The following WWOX variants were observed in gnomAD, a reference collection of about 807,000 sequenced individuals.
The protein encoded by WWOX is WW domain containing oxidoreductase, also known as WW domain-containing oxidoreductase.
A neutral mutation model predicts 46.2 loss-of-function variants in WWOX; 69 were observed. The ratio of observed to expected loss-of-function variants is 1.49; its 90% CI spans 1.23 to 1.82. The LOEUF (loss-of-function observed/expected upper bound fraction) is 1.82. Among genes scored for constraint, WWOX ranks in the 40% most tolerant of loss-of-function variants. The pLI, the probability that WWOX is intolerant of heterozygous loss-of-function variation, is 0.00. For missense variants in WWOX, 919 were observed against 542.6 expected, an observed-to-expected ratio of 1.69 and a Z score of -6.89; for synonymous variants, 359 against 202.6, an observed-to-expected ratio of 1.77 and a Z score of -6.56.
chr16:78,339,641 T>C lies in WWOX; in HGVS notation c.517-47219T>C, dbSNP rs2080969521. 1.7e-5 allele frequency among the ~76,000 whole-genome samples: 2 copies of C among 120,212 alleles called. 1 individual carries two copies. The highest frequency in any genetic ancestry group is 4.0e-5 in the Non-Finnish European group (2 of 50,524). 78.9% of individuals were successfully genotyped at this position (120,212 alleles called of 152,430 possible). On this transcript the variant is annotated intron_variant, in intron 5 of 8. Transcript: ENST00000566780. ...ATATGTGTGTGTGTCTGTGTGTGTG[T>C]ATTTCAGGTTTCAAAATGTTTCTGT...
chr16:78,831,267 G>C (rs377442011), intron 8 of WWOX, among the ~76,000 whole-genome samples: 1 of 152,172 alleles, frequency 6.6e-6, no homozygotes, highest in Non-Finnish European at 1.5e-5. Flanking sequence ...GTCTTAGCTA[G>C]TGCTTTCAGC....
chr16:78,656,935 C>A (rs1313087202), intron 8 of WWOX, among the ~76,000 whole-genome samples: 1 of 152,196 alleles, frequency 6.6e-6, no homozygotes, highest in African/African-American at 2.4e-5. Context: ...CTGCTCTGAC[C>A]ATCATGGCGT....
intron 8 of WWOX, among the ~76,000 whole-genome samples, chr16:78,823,744 T>C (rs987502510): frequency 7.2e-5 from 11 of 151,806 alleles, no homozygotes; most frequent in African/African-American, 2.7e-4. Flanking sequence ...TCTAAGGGGA[T>C]GGAAGGATTG....
intron 5 of WWOX, among the ~76,000 whole-genome samples, chr16:78,165,609 G>A (rs1490300138): frequency 1.3e-5 from 2 of 152,148 alleles, no homozygotes; most frequent in African/African-American, 2.4e-5. Context: ...CAGCGTGTTT[G>A]GGAGCAGAGC....
At chr16:78,605,947 G>T (rs977606133) in intron 8 of WWOX, among the ~76,000 whole-genome samples, 5 of 152,200 alleles carry the variant, frequency 3.3e-5, no homozygotes, top group Non-Finnish European at 5.9e-5. Flanking sequence ...ATTTGTAATA[G>T]ACTCAGCATC....
At chr16:78,537,316 C>T (rs757387952) in intron 8 of WWOX, among the ~76,000 whole-genome samples, 1 of 152,036 alleles carries the variant, frequency 6.6e-6, no homozygotes, top group Non-Finnish European at 1.5e-5. Flanking sequence ...TGAAATAACC[C>T]AATGATACAT....
chr16:78,952,530 G>C (rs561351843), intron 8 of WWOX, among the ~76,000 whole-genome samples: 1 of 152,002 alleles, frequency 6.6e-6, no homozygotes, highest in South Asian at 2.1e-4. Flanking sequence ...TTACAGGCAT[G>C]TACCAGCACA....
At chr16:78,480,590 C>T (rs932839063) in intron 8 of WWOX, among the ~76,000 whole-genome samples, 5 of 152,144 alleles carry the variant, frequency 3.3e-5, no homozygotes, top group Non-Finnish European at 5.9e-5. Context: ...TTCAGGGTCC[C>T]GTACTTTTCA....
Position 78,742,821 on chromosome 16 carries a change from A to T in WWOX, c.1056+310069A>T, listed in dbSNP as rs186391458. On this transcript the variant is annotated intron_variant, in intron 8 of 8. Transcript: ENST00000566780. ...GAAACTTTGCGGGAATTCACTTGAA[A>T]TTGTCCAGTGAACAGCCATTGCGAG... 2.6e-5 allele frequency among the ~76,000 whole-genome samples: 4 copies of T among 152,130 alleles called. No homozygotes were observed. The South Asian group carries it at 8.3e-4, about 32-fold the overall frequency.
intron 8 of WWOX, among the ~76,000 whole-genome samples, chr16:78,924,688 G>T (rs1293770064): frequency 1.3e-5 from 2 of 152,190 alleles, no homozygotes; most frequent in Non-Finnish European, 2.9e-5. Context: ...GCTTCTGTGT[G>T]GGAGAGTAAC....
intron 8 of WWOX, among the ~76,000 whole-genome samples, chr16:78,440,679 C>T (rs181480864): frequency 3.4e-4 from 52 of 151,402 alleles, no homozygotes; most frequent in Non-Finnish European, 4.3e-4. Context: ...TGTAGTGGCA[C>T]AATCCCGGCT....
chr16:78,451,669 C>G (rs551708453), intron 8 of WWOX, among the ~76,000 whole-genome samples: 2 of 152,284 alleles, frequency 1.3e-5, no homozygotes, highest in Admixed American at 6.5e-5. Context: ...ACAGCTGAAA[C>G]CTTTGGTGTA....
intron 8 of WWOX, among the ~76,000 whole-genome samples, chr16:78,666,675 G>A (rs74032706): frequency 2.0e-5 from 3 of 152,212 alleles, no homozygotes; most frequent in African/African-American, 7.2e-5. Context: ...AAGGGCCATC[G>A]TGCAGTAAAG....
intron 8 of WWOX, among the ~76,000 whole-genome samples, chr16:78,858,158 G>GTGTGTC (rs2052612234): frequency 6.6e-6 from 1 of 151,754 alleles, no homozygotes; most frequent in Admixed American, 6.6e-5. Flanking sequence ...GTGTGTGTGT[G>GTGTGTC]TGTGTGTGTG....
At chr16:78,611,182 C>T (rs1193742769) in intron 8 of WWOX, among the ~76,000 whole-genome samples, 1 of 152,116 alleles carries the variant, frequency 6.6e-6, no homozygotes, top group Non-Finnish European at 1.5e-5. Context: ...TGAAATTTTG[C>T]CCTTGGACAA....
chr16:78,410,699 G>GT (rs111726228), intron 6 of WWOX, among the ~76,000 whole-genome samples: 3,669 of 151,626 alleles, frequency 0.024, 114 homozygotes, highest in East Asian at 0.14. Flanking sequence ...CCAGTTAGTT[G>GT]GGGGGCTAAG....
At chr16:78,857,392 A>G (rs1363408229) in intron 8 of WWOX, among the ~76,000 whole-genome samples, 1 of 152,236 alleles carries the variant, frequency 6.6e-6, no homozygotes, top group Non-Finnish European at 1.5e-5. Flanking sequence ...ATAAAAAGGT[A>G]TAAAAAAGAA....
At chr16:78,316,150 C>G (rs2080352332) in intron 5 of WWOX, among the ~76,000 whole-genome samples, 1 of 151,990 alleles carries the variant, frequency 6.6e-6, no homozygotes, top group African/African-American at 2.4e-5. Context: ...GAGGCTGGGT[C>G]AGGAGAATCG....
At chr16:78,667,801 A>G (rs376644316) in intron 8 of WWOX, among the ~76,000 whole-genome samples, 109 of 152,112 alleles carry the variant, frequency 7.2e-4, no homozygotes, top group African/African-American at 2.3e-3. Flanking sequence ...TTTCTCTCGC[A>G]TCAGCTTGCA....
Sources: allele counts gnomAD v4.1 joint callset (sites outside exome capture counted in the v4.1 genomes callset), GRCh38; gene constraint gnomAD v4.1.1; transcripts MANE v1.5; gene names NCBI Gene and HGNC (gene_info 2026-07-23, HGNC 2026-07-21).